Variants in PARD3B observed in about 807,000 individuals in gnomAD.
PARD3B encodes par-3 family cell polarity regulator beta, also known as partitioning defective 3 homolog B.
Under a neutral mutation model 130.2 loss-of-function variants are expected in PARD3B, and 103 were observed. The observed-to-expected ratio is 0.79, with a 90% confidence interval of 0.67 to 0.93. The LOEUF (loss-of-function observed/expected upper bound fraction) is 0.93, where lower values mean the gene tolerates loss of function less well. Ranked by LOEUF, PARD3B falls within the 40% of genes least tolerant of loss-of-function variation. PARD3B has a pLI of 0.00. For synonymous variants in PARD3B, 583 were observed against 553.2 expected, an observed-to-expected ratio of 1.05 and a Z score of -0.76; for missense variants, 1,609 against 1,499.2, an observed-to-expected ratio of 1.07 and a Z score of -1.21.
intron 5 of PARD3B, among the ~76,000 whole-genome samples, chr2:205,110,756 C>A (rs910822286): frequency 1.3e-5 from 2 of 151,596 alleles, no homozygotes; most frequent in African/African-American, 4.8e-5. Context: ...TTTCTGGCTA[C>A]TATACTGTCC....
chr2:205,415,249 G>A (rs753862973), intron 19 of PARD3B, among the ~76,000 whole-genome samples: 2 of 151,926 alleles, frequency 1.3e-5, no homozygotes, highest in Admixed American at 6.6e-5. Flanking sequence ...ATTTTCACAC[G>A]GCAACTTAAA....
chr2:205,448,700 AT>A (rs1559104608), intron 20 of PARD3B, among the ~76,000 whole-genome samples: 1 of 152,138 alleles, frequency 6.6e-6, no homozygotes, highest in Non-Finnish European at 1.5e-5. Flanking sequence ...CCCAGCACTC[AT>A]CACTCGAGAC....
At chr2:204,698,952 C>T (rs1488774626) in intron 2 of PARD3B, among the ~76,000 whole-genome samples, 2 of 152,036 alleles carry the variant, frequency 1.3e-5, no homozygotes, top group Non-Finnish European at 2.9e-5. Context: ...AAACCTTGGG[C>T]AGTTTAAGAA....
At chr2:205,249,906 T>G (rs1386915717) in intron 16 of PARD3B, among the ~76,000 whole-genome samples, 1 of 151,282 alleles carries the variant, frequency 6.6e-6, no homozygotes, top group African/African-American at 2.4e-5. Flanking sequence ...CTAATTGAAC[T>G]CTGACAAAAT....
At chr2:204,991,900 C>T (rs1693727376) in intron 3 of PARD3B, among the ~76,000 whole-genome samples, 1 of 150,320 alleles carries the variant, frequency 6.7e-6, no homozygotes, top group South Asian at 2.1e-4. Flanking sequence ...TGTTCATGTC[C>T]TTCACCCACT....
intron 18 of PARD3B, among the ~76,000 whole-genome samples, chr2:205,378,769 C>T (rs768971709): frequency 1.1e-4 from 17 of 151,858 alleles, no homozygotes; most frequent in Non-Finnish European, 2.2e-4. Flanking sequence ...GTATTTGGGA[C>T]TACAGGCGTG....
intron 16 of PARD3B, among the ~76,000 whole-genome samples, chr2:205,299,530 G>T (rs2041913994): frequency 1.8e-5 from 1 of 56,030 alleles, no homozygotes; most frequent in African/African-American, 5.9e-5. Context: ...AATTCCTTCT[G>T]TCTTAAAGAT....
intron 20 of PARD3B, among the ~76,000 whole-genome samples, chr2:205,483,952 C>T (rs1371765677): frequency 6.6e-6 from 1 of 152,130 alleles, no homozygotes; most frequent in Non-Finnish European, 1.5e-5. Flanking sequence ...CAACATAACA[C>T]AACGCCATTC....
rs575803211 is a variant in PARD3B at position 205,600,968 on chromosome 2, T to G, written c.3261-14488T>G. ...TGAATAGTGCTGCAGTGAACATACATGTGCATATATCTTCATGAGAGAATG... is the reference window on the plus strand; with the variant it reads ...TGAATAGTGCTGCAGTGAACATACAGGTGCATATATCTTCATGAGAGAATG... On this transcript the variant is annotated intron_variant, in intron 22 of 22. Coordinates refer to ENST00000406610, the MANE Select transcript of PARD3B (RefSeq NM_001302769.2). Among the ~76,000 whole-genome samples, 22 of 152,368 alleles carry G rather than the reference T, an allele frequency of 1.4e-4. 1 individual carries two copies. Among genetic ancestry groups the G allele is most frequent in the African/African-American group, 5.3e-4 (22 of 41,590 alleles).
rs3051346 is a variant in PARD3B, at chr2:204,550,412, CTGTGTGTGTG to C, written c.120+4321_120+4330del. On this transcript the variant is annotated intron_variant, in intron 1 of 22. Coordinates refer to ENST00000406610, the MANE Select transcript of PARD3B (RefSeq NM_001302769.2). ...GGAATGCATGGATGCGGAGGGCTGA[CTGTGTGTGTG>C]TGTGTGTGTGTGTGTGTGTGTGTGT... Among the ~76,000 whole-genome samples, 37 of 144,300 alleles carry C rather than the reference CTGTGTGTGTG, an allele frequency of 2.6e-4. 1 individual carries two copies. The highest frequency in any genetic ancestry group is 4.7e-4 in the South Asian group (2 of 4,296). The allele number at this position is 144,300 out of a possible 152,430, so 94.7% of individuals were successfully genotyped here.
intron 20 of PARD3B, among the ~76,000 whole-genome samples, chr2:205,476,344 CT>C (rs945288719): frequency 1.8e-4 from 27 of 152,182 alleles, no homozygotes; most frequent in African/African-American, 6.0e-4. Context: ...GTGAAGTTTC[CT>C]TTTTTTCATT....
intron 2 of PARD3B, among the ~76,000 whole-genome samples, chr2:204,775,771 C>T (rs937724949): frequency 6.6e-6 from 1 of 152,174 alleles, no homozygotes; most frequent in African/African-American, 2.4e-5. Flanking sequence ...CAGTTTCTGG[C>T]AGGTGCCCTC....
At chr2:204,918,585 C>G (rs1242780747) in intron 2 of PARD3B, among the ~76,000 whole-genome samples, 2 of 149,946 alleles carry the variant, frequency 1.3e-5, no homozygotes, top group African/African-American at 2.5e-5. Flanking sequence ...AGCCGAGATC[C>G]CGCCACTGCA....
At chr2:205,475,977 C>A (rs2049008465) in intron 20 of PARD3B, among the ~76,000 whole-genome samples, 1 of 152,134 alleles carries the variant, frequency 6.6e-6, no homozygotes, top group African/African-American at 2.4e-5. Flanking sequence ...TGTTTTATTG[C>A]TGTTAATTTT....
chr2:204,740,138 C>T (rs1322661545), intron 2 of PARD3B, among the ~76,000 whole-genome samples: 1 of 151,958 alleles, frequency 6.6e-6, no homozygotes, highest in African/African-American at 2.4e-5. Flanking sequence ...CTCAACATCC[C>T]AGGTAACTGG....
chr2:205,020,123 A>C (rs1696484036), intron 3 of PARD3B, among the ~76,000 whole-genome samples: 1 of 152,048 alleles, frequency 6.6e-6, no homozygotes, highest in East Asian at 1.9e-4. Flanking sequence ...CATGTCACTG[A>C]TTTTATAGTT....
chr2:204,992,155 G>A (rs1219746513), intron 3 of PARD3B, among the ~76,000 whole-genome samples: 10 of 150,700 alleles, frequency 6.6e-5, no homozygotes, highest in East Asian at 3.9e-4. Flanking sequence ...CTTTGCCCAC[G>A]CCTATGTCCT....
At chr2:205,151,614 T>A (rs192292957) in intron 10 of PARD3B, among the ~76,000 whole-genome samples, 1 of 152,172 alleles carries the variant, frequency 6.6e-6, no homozygotes, top group Non-Finnish European at 1.5e-5. Context: ...TGTTTGTTTG[T>A]TTTCCATTTG....
chr2:204,654,870 A>G lies in PARD3B; in HGVS notation c.121-31311A>G, dbSNP rs554855591. On this transcript the variant is annotated intron_variant, in intron 1 of 22. Coordinates refer to ENST00000406610, the MANE Select transcript of PARD3B (RefSeq NM_001302769.2). ...TTATCCTCTAAAGAAACTTTCTTAAACAGTAGATGTTTCATAGTCTCTGGT... is the reference window on the plus strand; with the variant it reads ...TTATCCTCTAAAGAAACTTTCTTAAGCAGTAGATGTTTCATAGTCTCTGGT... Among the ~76,000 whole-genome samples, 450 of 152,260 alleles carry G rather than the reference A, an allele frequency of 3.0e-3. 1 individual carries two copies. Among genetic ancestry groups the G allele is most frequent in the African/African-American group, 9.6e-3 (399 of 41,566 alleles).
Sources: gnomAD v4.1 joint callset for allele counts (sites outside exome capture counted in the v4.1 genomes callset) on GRCh38, gnomAD v4.1.1 for gene constraint, MANE v1.5 for transcripts, NCBI Gene and HGNC (gene_info 2026-07-23, HGNC 2026-07-21) for gene names.